IL7R: variants seen among roughly 807,000 people sequenced by gnomAD.
The protein encoded by IL7R is interleukin 7 receptor.
In IL7R, 38 loss-of-function variants were observed where a neutral mutation model predicts 47.0. The ratio of observed to expected loss-of-function variants is 0.81; its 90% CI spans 0.62 to 1.06. The LOEUF is 1.06. IL7R is among the 50% of genes least tolerant of loss of function. The probability of loss-of-function intolerance (pLI) is 0.00; values close to 1 mark genes in which losing one functional copy is unlikely to be tolerated. For missense variants in IL7R, 633 were observed against 534.8 expected (o/e 1.18, Z -1.81); for synonymous variants, 221 against 199.8 (o/e 1.11, Z -0.89).
In IL7R at chr5:35,856,955, T is replaced by C; in HGVS notation, c.-23T>C. 3.1e-6 allele frequency: 4 copies of C among 1,294,364 alleles called. No individual in the cohort carries two copies. Among genetic ancestry groups the C allele is most frequent in the Non-Finnish European group, 4.5e-6 (4 of 893,994 alleles). 80.2% of individuals were successfully genotyped at this position (1,294,364 alleles called of 1,614,324 possible). ...CATACACACTGGCTCACACATCTAC[T>C]CTCTCTCTCTATCTCTCTCAGAATG... On this transcript the variant is annotated 5_prime_UTR_variant, in exon 1 of 8. Coordinates refer to ENST00000303115, the MANE Select transcript of IL7R (RefSeq NM_002185.5).
chr5:35,871,361 T>C lies in IL7R; in HGVS notation c.537+148T>C, dbSNP rs9282751. 4,434 of 657,986 alleles carry C rather than the reference T, an allele frequency of 6.7e-3. 164 individuals carry two copies. The African/African-American group carries it at 0.073, about 11-fold the overall frequency. 40.8% of individuals were successfully genotyped at this position (657,986 alleles called of 1,614,324 possible). On this transcript the variant is annotated intron_variant, in intron 4 of 7. Transcript: ENST00000303115. The stretch of plus-strand genomic sequence containing the variant: ...AAAGAATCTCCCAATATTGGCCCCA[T>C]GAAAACCTGGATCTTCCCTGATGCA...
intron 1 of IL7R, 27 bp from the exon 2 acceptor site, chr5:35,860,824 TA>T (rs761966361): frequency 1.2e-6 from 2 of 1,611,764 alleles, no homozygotes; most frequent in Non-Finnish European, 1.7e-6. Context: ...TTTGTTTCAT[TA>T]ACAGCTGCAT....
rs1464782528 is a variant in IL7R, at chr5:35,876,060, T to C, written c.954T>C (p.Asp318=). The C allele has an allele frequency of 2.5e-6, 4 of 1,614,088 alleles. No individual in the cohort carries two copies. The highest frequency in any genetic ancestry group is 2.2e-5 in the East Asian group (1 of 44,886). ...IHRVDDIQAR[D]EVEGFLQDTF... The stretch of plus-strand genomic sequence containing the variant: ...GGGTGGATGACATTCAAGCTAGAGA[T>C]GAAGTGGAAGGTTTTCTGCAAGATA... The change falls in exon 8 of 8, where the codon GAT becomes GAC. Residue 318 remains aspartate, a synonymous_variant. Transcript: ENST00000303115.
At position 35,877,991 on chromosome 5, in the gene IL7R, T is replaced by G. The variant is rs1760258221; in HGVS notation, c.*1505T>G. 2 of 233,222 alleles carry G rather than the reference T, an allele frequency of 8.6e-6. No individual in the cohort carries two copies. Among genetic ancestry groups the G allele is most frequent in the African/African-American group, 4.4e-5 (2 of 45,346 alleles). The allele number at this position is 233,222 out of a possible 1,614,324, so 14.4% of individuals were successfully genotyped here. ...AGATTTGTTGCTACTGTTTTTCTGT[T>G]TTGAATTTTCTTCTTTGTTCTGTTT... On this transcript the variant is annotated 3_prime_UTR_variant, in exon 8 of 8. Transcript: ENST00000303115.
At chr5:35,873,986 A>T (rs1033902755) in intron 5 of IL7R, among the ~76,000 whole-genome samples, 5 of 152,182 alleles carry the variant, frequency 3.3e-5, no homozygotes, top group Non-Finnish European at 7.3e-5. Context: ...AGGCCCCTTT[A>T]AGAAGCACCT....
Position 35,878,466 on chromosome 5 carries a change from C to CCATA in IL7R, c.*1981_*1984dup, listed in dbSNP as rs1760269024. The stretch of plus-strand genomic sequence containing the variant: ...TATATTATAAAATGCTATAAAAGAG[C>CCATA]CATATTGAAAGTGCCCTGTTGGAGA... On this transcript the variant is annotated 3_prime_UTR_variant, in exon 8 of 8. Coordinates refer to ENST00000303115, the MANE Select transcript of IL7R (RefSeq NM_002185.5). The CCATA allele has an allele frequency of 1.7e-5, 4 of 232,606 alleles. No homozygotes were observed. In the South Asian group the frequency reaches 7.3e-4, roughly 42 times the overall value. 14.4% of individuals were successfully genotyped at this position (232,606 alleles called of 1,614,324 possible). A position where few individuals can be genotyped will look rare whatever the true frequency, so the allele number is the denominator to read the frequency against.
intron 6 of IL7R, among the ~76,000 whole-genome samples, chr5:35,875,076 A>C (rs1234899615): frequency 6.6e-6 from 1 of 152,216 alleles, no homozygotes. Flanking sequence ...TCCCTGGGTA[A>C]TTTGAAAATA....
rs1760233437 is a variant in IL7R, at chr5:35,876,915, C to T, written c.*429C>T. On this transcript the variant is annotated 3_prime_UTR_variant, in exon 8 of 8. Transcript: ENST00000303115. ...AGTGCTCTGCGCACCTTGTCTCACT[C>T]CATCCTGACAATAATCCTGGGAGGT... is the stretch of plus-strand genomic sequence containing the variant. 1 of 265,600 alleles carries T rather than the reference C, an allele frequency of 3.8e-6. No individual in the cohort carries two copies. Among genetic ancestry groups the T allele is most frequent in the African/African-American group, 2.2e-5 (1 of 46,028 alleles). The allele number at this position is 265,600 out of a possible 1,614,324, so 16.5% of individuals were successfully genotyped here. A position where few individuals can be genotyped will look rare whatever the true frequency, so the allele number is the denominator to read the frequency against.
rs954929078 is a variant in IL7R at position 35,874,423 on chromosome 5, C to T, written c.707-26C>T. 2.0e-6 allele frequency: 3 copies of T among 1,510,770 alleles called. No individual in the cohort carries two copies. In the African/African-American group the frequency reaches 4.1e-5, roughly 21 times the overall value. The allele number at this position is 1,510,770 out of a possible 1,614,324, so 93.6% of individuals were successfully genotyped here. A position where few individuals can be genotyped will look rare whatever the true frequency, so the allele number is the denominator to read the frequency against. On this transcript the variant is annotated intron_variant, in intron 5 of 7. Transcript: ENST00000303115. ...CCCCACTGCATGGCTACTGAATGCT[C>T]ACCACAATCTATTCTTGCTTTCCAG...
intron 3 of IL7R, among the ~76,000 whole-genome samples, chr5:35,870,005 G>T (rs183626981): frequency 2.6e-5 from 4 of 152,278 alleles, no homozygotes; most frequent in Admixed American, 2.0e-4. Flanking sequence ...TATTGGGCCG[G>T]CAAGTAACTT....
intron 3 of IL7R, among the ~76,000 whole-genome samples, chr5:35,868,054 G>A (rs1306436905): frequency 2.0e-5 from 3 of 152,122 alleles, no homozygotes; most frequent in Admixed American, 2.0e-4. Flanking sequence ...AGAAATTCAG[G>A]AAAGAGTGCA....
chr5:35,873,644 C>T lies in IL7R; in HGVS notation c.702C>T (p.Ser234=). The part of the protein sequence containing the change: ...YYFRTPEINN[S]SGEMDPILLT... ...TCAGAACTCCAGAGATCAATAATAG[C>T]TCAGGTAAGGAATGGTGGTAGAGTT... is the stretch of plus-strand genomic sequence containing the variant. The change falls in exon 5 of 8, where the codon AGC becomes AGT. Residue 234 remains serine, a synonymous_variant. Transcript: ENST00000303115. 1.2e-6 allele frequency: 2 copies of T among 1,613,668 alleles called. No homozygotes were observed. The highest frequency in any genetic ancestry group is 1.7e-6 in the Non-Finnish European group (2 of 1,179,580).
Position 35,867,307 on chromosome 5 carries a change from G to A in IL7R, c.223G>A (p.Gly75Arg). 6.2e-7 allele frequency: 1 copy of A among 1,613,260 alleles called. No individual in the cohort carries two copies. The highest frequency in any genetic ancestry group is 1.7e-5 in the Admixed American group (1 of 59,984). The change falls in exon 3 of 8, where the codon GGG (glycine) becomes AGG (arginine). Residue 75 changes from glycine (G) to arginine (R), a missense_variant and splice_region_variant. Physicochemically the swap from Gly to Arg is moderately radical, Grantham distance 125. Coordinates refer to ENST00000303115, the MANE Select transcript of IL7R (RefSeq NM_002185.5). ...CATATCCCCTTTTTATTCCTACAGT[G>A]GGGCCCTCGTGGAGGTAAAGTGCCT... ...NITNLEFEICGALVEVKCLNF... is the reference protein window; with the variant it reads ...NITNLEFEICRALVEVKCLNF...
intron 2 of IL7R, among the ~76,000 whole-genome samples, chr5:35,863,936 A>G (rs1298824252): frequency 6.6e-6 from 1 of 152,122 alleles, no homozygotes; most frequent in Non-Finnish European, 1.5e-5. Flanking sequence ...AAATGCACAA[A>G]AATTAAGTGA....
At chr5:35,867,003 A>G (rs1428847580) in intron 2 of IL7R, among the ~76,000 whole-genome samples, 3 of 152,156 alleles carry the variant, frequency 2.0e-5, no homozygotes, top group East Asian at 1.9e-4. Flanking sequence ...TAAACAAAGT[A>G]TTTGTTTTTC....
chr5:35,878,470 A>G lies in IL7R; in HGVS notation c.*1984A>G, dbSNP rs1760269190. On this transcript the variant is annotated 3_prime_UTR_variant, in exon 8 of 8. Transcript: ENST00000303115. ...TTATAAAATGCTATAAAAGAGCCAT[A>G]TTGAAAGTGCCCTGTTGGAGACAGG... 4.3e-6 allele frequency: 1 copy of G among 232,806 alleles called. No homozygotes were observed. The highest frequency in any genetic ancestry group is 2.2e-5 in the African/African-American group (1 of 45,324). The allele number at this position is 232,806 out of a possible 1,614,324, so 14.4% of individuals were successfully genotyped here.
At position 35,877,782 on chromosome 5, in the gene IL7R, T is replaced by A. The variant is rs1760254134; in HGVS notation, c.*1296T>A. The stretch of plus-strand genomic sequence containing the variant: ...ATGCTTGACATATATCATCTTGCCT[T>A]TCTTGGTCTAGACTGACTTCTAATG... On this transcript the variant is annotated 3_prime_UTR_variant, in exon 8 of 8. Transcript: ENST00000303115. 3 of 233,258 alleles carry A rather than the reference T, an allele frequency of 1.3e-5. No individual in the cohort carries two copies. Among genetic ancestry groups the A allele is most frequent in the Non-Finnish European group, 1.7e-5 (2 of 118,042 alleles). 14.4% of individuals were successfully genotyped at this position (233,258 alleles called of 1,614,324 possible). A position where few individuals can be genotyped will look rare whatever the true frequency, so the allele number is the denominator to read the frequency against.
chr5:35,871,907 T>C (rs1381097849), intron 4 of IL7R, among the ~76,000 whole-genome samples: 1 of 152,174 alleles, frequency 6.6e-6, no homozygotes, highest in Non-Finnish European at 1.5e-5. Flanking sequence ...GAAGAGATGA[T>C]GATTTCTCTT....
chr5:35,868,212 G>A (rs78625340), intron 3 of IL7R, among the ~76,000 whole-genome samples: 1 of 152,130 alleles, frequency 6.6e-6, no homozygotes, highest in African/African-American at 2.4e-5. Context: ...CATCACGGAA[G>A]GCAATCTACT....
Sources: gnomAD v4.1 joint callset for allele counts (sites outside exome capture counted in the v4.1 genomes callset) on GRCh38, gnomAD v4.1.1 for gene constraint, MANE v1.5 for transcripts, NCBI Gene and HGNC (gene_info 2026-07-23, HGNC 2026-07-21) for gene names.